Variants in PLXNA4 observed in about 807,000 individuals in gnomAD.
PLXNA4 encodes the protein plexin A4.
In PLXNA4, 44 loss-of-function variants were observed where a neutral mutation model predicts 191.8. The observed-to-expected ratio is 0.23, with a 90% CI of 0.18 to 0.29. The LOEUF (loss-of-function observed/expected upper bound fraction) is 0.29, where lower values mean the gene tolerates loss of function less well. PLXNA4 is among the 10% of genes least tolerant of loss of function. The pLI, the probability that PLXNA4 is intolerant of heterozygous loss-of-function variation, is 1.00. For missense variants in PLXNA4, 1,800 were observed against 2,488.8 expected, an observed-to-expected ratio of 0.72 and a Z score of 5.89; for synonymous variants, 1,082 against 1,009.5, an observed-to-expected ratio of 1.07 and a Z score of -1.36.
intron 3 of PLXNA4, among the ~76,000 whole-genome samples, chr7:132,438,787 C>T (rs950334364): frequency 1.8e-4 from 27 of 152,096 alleles, no homozygotes; most frequent in Non-Finnish European, 4.0e-4. Context: ...TGTTCTTGGT[C>T]TAATAGCTTT....
At chr7:132,531,952 T>C (rs1799631268) in intron 1 of PLXNA4, among the ~76,000 whole-genome samples, 1 of 152,192 alleles carries the variant, frequency 6.6e-6, no homozygotes, top group African/African-American at 2.4e-5. Context: ...ATTTTACAGA[T>C]GCGGTAACTC....
intron 4 of PLXNA4, among the ~76,000 whole-genome samples, chr7:132,265,228 G>T (rs1360380374): frequency 2.6e-5 from 4 of 152,084 alleles, no homozygotes. Context: ...GGGTCAGCTG[G>T]GTCCTGCCTG....
intron 2 of PLXNA4, among the ~76,000 whole-genome samples, chr7:132,599,861 G>C (rs953688155): frequency 6.6e-6 from 1 of 151,870 alleles, no homozygotes; most frequent in Non-Finnish European, 1.5e-5. Context: ...AATTTCCATA[G>C]TTCCTAATTT....
intron 3 of PLXNA4, among the ~76,000 whole-genome samples, chr7:132,330,586 TG>T (rs2116692247): frequency 6.6e-6 from 1 of 152,348 alleles, no homozygotes; most frequent in East Asian, 1.9e-4. Context: ...GGCATTGCAC[TG>T]GGGATCCTGC....
At chr7:132,433,115 G>T (rs188824212) in intron 3 of PLXNA4, among the ~76,000 whole-genome samples, 1 of 152,160 alleles carries the variant, frequency 6.6e-6, no homozygotes, top group African/African-American at 2.4e-5. Flanking sequence ...ACTTGACTGC[G>T]TTGGAAAACT....
At chr7:132,318,438 A>G (rs1377300131) in intron 3 of PLXNA4, among the ~76,000 whole-genome samples, 3 of 152,178 alleles carry the variant, frequency 2.0e-5, no homozygotes, top group Non-Finnish European at 4.4e-5. Flanking sequence ...GGGGAGGGTC[A>G]GCTTCTCCAG....
At chr7:132,288,174 C>T (rs1800754131) in intron 4 of PLXNA4, among the ~76,000 whole-genome samples, 1 of 152,180 alleles carries the variant, frequency 6.6e-6, no homozygotes, top group Non-Finnish European at 1.5e-5. Context: ...CTGCTCCCTC[C>T]TCTGTGCTTC....
At chr7:132,516,417 T>C (rs1798944837) in intron 1 of PLXNA4, among the ~76,000 whole-genome samples, 1 of 152,160 alleles carries the variant, frequency 6.6e-6, no homozygotes. Flanking sequence ...CAAATTGGAC[T>C]TTGAGAACCA....
intron 23 of PLXNA4, 133 bp downstream of exon 23, chr7:132,165,001 A>G: frequency 1.5e-6 from 2 of 1,347,120 alleles, no homozygotes; most frequent in Non-Finnish European, 9.9e-7. Context: ...CATGATAAGG[A>G]TGAATTCCAT....
At chr7:132,329,903 T>G (rs1802523441) in intron 3 of PLXNA4, among the ~76,000 whole-genome samples, 1 of 152,108 alleles carries the variant, frequency 6.6e-6, no homozygotes, top group Admixed American at 6.5e-5. Context: ...GGATTCTACA[T>G]TAGGCAACAG....
rs12154424 is a variant in PLXNA4, at chr7:132,202,632, C to T, written c.2586+14G>A. 18 of 1,454,698 alleles carry T rather than the reference C, an allele frequency of 1.2e-5. No individual in the cohort carries two copies. The highest frequency in any genetic ancestry group is 3.1e-5 in the South Asian group (2 of 65,324). 90.1% of individuals were successfully genotyped at this position (1,454,698 alleles called of 1,614,324 possible). ...GCCTGCCCATTTGGAGCAGGAGGCC[C>T]GACCCCGGCTTACCTCTGTGATGCG... On this transcript the variant is annotated intron_variant, in intron 12 of 31. Transcript: ENST00000321063.
At chr7:132,482,596 T>C (rs999120315) in intron 3 of PLXNA4, among the ~76,000 whole-genome samples, 2 of 152,052 alleles carry the variant, frequency 1.3e-5, no homozygotes, top group Non-Finnish European at 2.9e-5. Flanking sequence ...GTTCAAAGCC[T>C]CTAAGTTCTG....
At chr7:132,525,072 T>A (rs1031612928) in intron 1 of PLXNA4, among the ~76,000 whole-genome samples, 2 of 152,016 alleles carry the variant, frequency 1.3e-5, no homozygotes, top group African/African-American at 4.8e-5. Context: ...CAACTCTCCA[T>A]CCCCTCACCC....
chr7:132,216,146 G>C (rs1797956157), intron 9 of PLXNA4, among the ~76,000 whole-genome samples: 1 of 152,170 alleles, frequency 6.6e-6, no homozygotes. Flanking sequence ...TGAGTTCTAG[G>C]CTACCCAAGT....
At chr7:132,261,042 C>A (rs1044788845) in intron 4 of PLXNA4, among the ~76,000 whole-genome samples, 8 of 152,178 alleles carry the variant, frequency 5.3e-5, no homozygotes, top group African/African-American at 1.7e-4. Context: ...AAAAAATAGT[C>A]TATTCAAAAA....
chr7:132,309,957 G>C (rs1801664897), intron 3 of PLXNA4, among the ~76,000 whole-genome samples: 1 of 152,162 alleles, frequency 6.6e-6, no homozygotes, highest in African/African-American at 2.4e-5. Context: ...TCACATCCCA[G>C]ATTTACCAGT....
intron 17 of PLXNA4, 125 bp downstream of exon 17, chr7:132,181,972 G>A: frequency 6.8e-7 from 1 of 1,478,614 alleles, no homozygotes; most frequent in Non-Finnish European, 9.2e-7. Flanking sequence ...ATTCAAGGGT[G>A]TCAGGCTGTG....
upstream of PLXNA4, among the ~76,000 whole-genome samples, chr7:132,580,327 G>C (rs1268474303): frequency 6.6e-6 from 1 of 152,120 alleles, no homozygotes; most frequent in Non-Finnish European, 1.5e-5. Context: ...TTAGGTACAA[G>C]ATCTTCTGGC....
intron 3 of PLXNA4, among the ~76,000 whole-genome samples, chr7:132,481,322 T>TCCAG (rs1162650303): frequency 6.6e-6 from 1 of 151,688 alleles, no homozygotes; most frequent in Non-Finnish European, 1.5e-5. Context: ...GTACCAGAGG[T>TCCAG]CCAGCCACCA....
Sources: allele counts gnomAD v4.1 joint callset (sites outside exome capture counted in the v4.1 genomes callset), GRCh38; gene constraint gnomAD v4.1.1; transcripts MANE v1.5; gene names NCBI Gene and HGNC (gene_info 2026-07-23, HGNC 2026-07-21).